Variants in SLFN5 observed in about 807,000 individuals in gnomAD.
SLFN5 encodes schlafen family member 5.
A neutral mutation model predicts 48.5 loss-of-function variants in SLFN5; 34 were observed. The ratio of observed to expected loss-of-function variants is 0.70; its 90% CI spans 0.53 to 0.93. The LOEUF is 0.93. Ranked by LOEUF, SLFN5 falls within the 40% of genes least tolerant of loss-of-function variation. The pLI is 0.00. For missense variants in SLFN5, 1,006 were observed against 1,071.3 expected, an observed-to-expected ratio of 0.94 and a Z score of 0.85; for synonymous variants, 387 against 396.2, an observed-to-expected ratio of 0.98 and a Z score of 0.28.
chr17:35,258,637 T>C lies in SLFN5; in HGVS notation c.-40-14T>C. The C allele has an allele frequency of 6.4e-7, 1 of 1,562,790 alleles. No homozygotes were observed. Among genetic ancestry groups the C allele is most frequent in the Non-Finnish European group, 8.7e-7 (1 of 1,154,602 alleles). On this transcript the variant is annotated splice_polypyrimidine_tract_variant and intron_variant, in intron 1 of 4. Transcript: ENST00000299977. ...CTTGTCCTGTTCTAATGGTTCTATC[T>C]TTCTGTTTTTCAGGAGAACATTTCA... is the stretch of plus-strand genomic sequence containing the variant.
chr17:35,266,189 C>T lies in SLFN5; in HGVS notation c.*301C>T, dbSNP rs1444381402. ...GTGTGTGTGTGTGTGCGCGCGCGCA[C>T]GTGCACATGTGTGTAGGTAGATGGA... On this transcript the variant is annotated 3_prime_UTR_variant, in exon 5 of 5. Transcript: ENST00000299977. The T allele has an allele frequency of 2.4e-4, 55 of 232,890 alleles. No individual in the cohort carries two copies. Among genetic ancestry groups the T allele is most frequent in the Non-Finnish European group, 3.3e-4 (39 of 118,290 alleles). 14.4% of individuals were successfully genotyped at this position (232,890 alleles called of 1,614,324 possible). A position where few individuals can be genotyped will look rare whatever the true frequency, so the allele number is the denominator to read the frequency against.
At chr17:35,247,253 T>C (rs1041483751) in intron 1 of SLFN5, among the ~76,000 whole-genome samples, 3 of 152,234 alleles carry the variant, frequency 2.0e-5, no homozygotes, top group Non-Finnish European at 2.9e-5. Flanking sequence ...CCTTGAATCA[T>C]ATCATACCTG....
chr17:35,254,179 CTTAGCA>C (rs887011544), intron 1 of SLFN5, among the ~76,000 whole-genome samples: 1 of 152,130 alleles, frequency 6.6e-6, no homozygotes, highest in Non-Finnish European at 1.5e-5. Flanking sequence ...TTTATTTTAA[CTTAGCA>C]TTATTGTCTT....
intron 1 of SLFN5, among the ~76,000 whole-genome samples, chr17:35,244,472 C>G (rs776694293): frequency 1.6e-4 from 24 of 152,126 alleles, no homozygotes; most frequent in Admixed American, 1.2e-3. Context: ...TTTGTCTGGC[C>G]TCGCCCTATG....
chr17:35,246,297 C>A (rs1209405604), intron 1 of SLFN5, among the ~76,000 whole-genome samples: 1 of 151,410 alleles, frequency 6.6e-6, no homozygotes, highest in African/African-American at 2.4e-5. Flanking sequence ...TTCTTTTTTT[C>A]TTAAACTTTT....
intron 3 of SLFN5, 48 bp downstream of exon 3, chr17:35,261,144 A>G: frequency 1.3e-6 from 2 of 1,589,056 alleles, no homozygotes; most frequent in Non-Finnish European, 1.7e-6. Context: ...TTGTTCATTC[A>G]TATAAAAAAT....
Position 35,259,397 on chromosome 17 carries a change from G to A in SLFN5, c.707G>A (p.Cys236Tyr), listed in dbSNP as rs1904450943. 2 of 1,614,178 alleles carry A rather than the reference G, an allele frequency of 1.2e-6. No homozygotes were observed. The highest frequency in any genetic ancestry group is 4.5e-5 in the East Asian group (2 of 44,890). The change falls in exon 2 of 5, where the codon TGT becomes TAT. Residue 236 changes from cysteine to tyrosine, a missense_variant. Physicochemically the swap from Cys to Tyr is radical, Grantham distance 194. Coordinates refer to ENST00000299977, the MANE Select transcript of SLFN5 (RefSeq NM_144975.4). ...YVFFGVHDET[C>Y]QVIGCEKEKI... Reference sequence around the variant, plus strand: ...TTTTTTGGTGTGCATGATGAGACTTGTCAAGTGATTGGATGTGAAAAAGAG... The same window carrying A: ...TTTTTTGGTGTGCATGATGAGACTTATCAAGTGATTGGATGTGAAAAAGAG...
In SLFN5 at chr17:35,273,430, T is replaced by C. The variant is rs1222111780; in HGVS notation, c.*7542T>C. 1 of 152,220 alleles carries C rather than the reference T, an allele frequency of 6.6e-6. No homozygotes were observed. Among genetic ancestry groups the C allele is most frequent in the African/African-American group, 2.4e-5 (1 of 41,460 alleles). The allele number at this position is 152,220 out of a possible 1,614,324, so 9.4% of individuals were successfully genotyped here. On this transcript the variant is annotated 3_prime_UTR_variant, in exon 5 of 5. Transcript: ENST00000299977. ...CTGTGTGTGTTTTTACTTGTTCATG[T>C]AGTGATTTTATAAATTACTCTTTTA...
intron 1 of SLFN5, among the ~76,000 whole-genome samples, chr17:35,254,473 G>C (rs2092450077): frequency 6.6e-6 from 1 of 152,162 alleles, no homozygotes; most frequent in South Asian, 2.1e-4. Flanking sequence ...AGAAATGCAG[G>C]GGGCAGGGCA....
rs577886071 is a variant in SLFN5, at chr17:35,259,046, A to G, written c.356A>G (p.His119Arg). 4.3e-5 allele frequency: 70 copies of G among 1,614,198 alleles called. 1 individual carries two copies. In the Middle Eastern group the frequency reaches 6.6e-4, roughly 15 times the overall value. ...GCTACCTTATGCTCCAATTTGTACC[A>G]CAGAGAGAGAACATCCACCGATGTC... ...PLATLCSNLY[H>R]RERTSTDVMD... Residue 119 changes from histidine (H) to arginine (R), a missense_variant, in exon 2 of 5, where the codon CAC (histidine) becomes CGC (arginine). Coordinates refer to ENST00000299977, the MANE Select transcript of SLFN5 (RefSeq NM_144975.4).
rs560545854 is a variant in SLFN5, at chr17:35,248,606, C to T, written c.-41+5463C>T. Among the ~76,000 whole-genome samples the T allele has an allele frequency of 1.0e-3, 157 of 151,450 alleles. 1 individual carries two copies. The highest frequency in any genetic ancestry group is 2.6e-4 in the Non-Finnish European group (18 of 67,936). On this transcript the variant is annotated intron_variant, in intron 1 of 4. Coordinates refer to ENST00000299977, the MANE Select transcript of SLFN5 (RefSeq NM_144975.4). ...TCACTTCTCTTCCCCCTTTTCAGAC[C>T]CCCACCCTTTGCCCAATAACTCTCC...
At position 35,263,477 on chromosome 17, in the gene SLFN5, G is replaced by C. The variant is rs531471499; in HGVS notation, c.1139-706G>C. On this transcript the variant is annotated intron_variant, in intron 3 of 4. Transcript: ENST00000299977. ...GAGTGTTAGTCATGTGCCCTCTTTT[G>C]ACCATGTCTCTATTCTCCTCTTCAA... Among the ~76,000 whole-genome samples, 31 of 152,212 alleles carry C rather than the reference G, an allele frequency of 2.0e-4. No homozygotes were observed. The South Asian group carries it at 5.2e-3, about 25-fold the overall frequency.
rs368007256 is a variant in SLFN5, at chr17:35,248,619, C to T, written c.-41+5476C>T. Reference sequence around the variant, plus strand: ...CCCTTTTCAGACCCCCACCCTTTGCCCAATAACTCTCCTAAACTCCAAAAT... The same window carrying T: ...CCCTTTTCAGACCCCCACCCTTTGCTCAATAACTCTCCTAAACTCCAAAAT... On this transcript the variant is annotated intron_variant, in intron 1 of 4. Coordinates refer to ENST00000299977, the MANE Select transcript of SLFN5 (RefSeq NM_144975.4). Among the ~76,000 whole-genome samples the T allele has an allele frequency of 2.0e-5, 3 of 151,820 alleles. No homozygotes were observed. In the East Asian group the frequency reaches 5.8e-4, roughly 29 times the overall value.
Position 35,264,312 on chromosome 17 carries a change from A to G in SLFN5, c.1268A>G (p.Gln423Arg), listed in dbSNP as rs926222469. The change falls in exon 4 of 5, where the codon CAA becomes CGA. Residue 423 changes from glutamine to arginine, a missense_variant. Coordinates refer to ENST00000299977, the MANE Select transcript of SLFN5 (RefSeq NM_144975.4). ...PFSQGILIFSQSWAVDLGLQE... is the reference protein window; with the variant it reads ...PFSQGILIFSRSWAVDLGLQE... ...TCTCAAGGAATATTGATTTTTTCTCAAAGCTGGGCTGTGGATTTAGGTCTG... is the reference window on the plus strand; with the variant it reads ...TCTCAAGGAATATTGATTTTTTCTCGAAGCTGGGCTGTGGATTTAGGTCTG... 3 of 1,614,052 alleles carry G rather than the reference A, an allele frequency of 1.9e-6. No individual in the cohort carries two copies. The highest frequency in any genetic ancestry group is 8.5e-7 in the Non-Finnish European group (1 of 1,180,040).
intron 4 of SLFN5, 32 bp downstream of exon 4, chr17:35,264,935 C>A: frequency 1.3e-6 from 2 of 1,538,780 alleles, no homozygotes; most frequent in Non-Finnish European, 1.7e-6. Context: ...ACTTTATTTT[C>A]TTGAGTGACT....
At chr17:35,245,603 G>A (rs2092428810) in intron 1 of SLFN5, among the ~76,000 whole-genome samples, 1 of 151,998 alleles carries the variant, frequency 6.6e-6, no homozygotes, top group Admixed American at 6.5e-5. Context: ...TTTTATGTCT[G>A]GCTTCTGTCA....
Position 35,264,807 on chromosome 17 carries a change from C to G in SLFN5, c.1763C>G (p.Ala588Gly). ...GLPGSGKTIL[A>G]LRIMEKIRNV... ...CCTGGATCAGGGAAGACTATCTTGG[C>G]TCTTAGGATCATGGAGAAGATCAGG... Residue 588 changes from alanine (A) to glycine (G), a missense_variant, in exon 4 of 5, where the codon GCT (alanine) becomes GGT (glycine). Transcript: ENST00000299977. The G allele has an allele frequency of 6.3e-7, 1 of 1,597,710 alleles. No homozygotes were observed. Among genetic ancestry groups the G allele is most frequent in the Non-Finnish European group, 8.5e-7 (1 of 1,174,090 alleles).
Position 35,266,177 on chromosome 17 carries a change from T to TGTGTGCGTGCGCGCGC in SLFN5, c.*290_*291insTGTGCGTGCGCGCGCG, listed in dbSNP as rs35160124. Reference sequence around the variant, plus strand: ...GTGTGTGTGTGTGTGTGTGTGTGTGTGCGCGCGCGCACGTGCACATGTGTG... The same window carrying TGTGTGCGTGCGCGCGC: ...GTGTGTGTGTGTGTGTGTGTGTGTGTGTGTGCGTGCGCGCGCGCGCGCGCGCACGTGCACATGTGTG... On this transcript the variant is annotated 3_prime_UTR_variant, in exon 5 of 5. Coordinates refer to ENST00000299977, the MANE Select transcript of SLFN5 (RefSeq NM_144975.4). The TGTGTGCGTGCGCGCGC allele has an allele frequency of 2.9e-5, 5 of 173,338 alleles. No homozygotes were observed. Among genetic ancestry groups the TGTGTGCGTGCGCGCGC allele is most frequent in the Non-Finnish European group, 5.9e-5 (5 of 85,184 alleles). 10.7% of individuals were successfully genotyped at this position (173,338 alleles called of 1,614,324 possible).
intron 1 of SLFN5, among the ~76,000 whole-genome samples, chr17:35,256,547 T>C (rs896390895): frequency 1.9e-4 from 29 of 152,056 alleles, no homozygotes; most frequent in African/African-American, 6.5e-4. Flanking sequence ...ACACTACCAG[T>C]TTGGTTCTTT....
Sources: gnomAD v4.1 joint callset for allele counts (sites outside exome capture counted in the v4.1 genomes callset) on GRCh38, gnomAD v4.1.1 for gene constraint, MANE v1.5 for transcripts, NCBI Gene and HGNC (gene_info 2026-07-23, HGNC 2026-07-21) for gene names.